UST: variants seen among roughly 807,000 people sequenced by gnomAD.
UST encodes the protein chondroitin sulfate 2-O-sulfotransferase.
Under a neutral mutation model 45.6 loss-of-function variants are expected in UST, and 21 were observed. That is an observed-to-expected ratio of 0.46 (90% CI 0.33 to 0.66). The LOEUF is 0.66. Ranked by LOEUF, UST falls within the 30% of genes least tolerant of loss-of-function variation. The pLI, the probability that UST is intolerant of heterozygous loss-of-function variation, is 0.02. For missense variants in UST, 463 were observed against 512.4 expected (o/e 0.90, Z 0.93); for synonymous variants, 215 against 200.6 (o/e 1.07, Z -0.61).
chr6:148,809,141 C>T (rs779444229), intron 1 of UST, among the ~76,000 whole-genome samples: 11 of 152,220 alleles, frequency 7.2e-5, no homozygotes, highest in Non-Finnish European at 1.6e-4. Context: ...CTCAGCAGGG[C>T]CTGTGCCCTG....
intron 2 of UST, among the ~76,000 whole-genome samples, chr6:148,900,948 C>T (rs1291302000): frequency 6.6e-6 from 1 of 152,214 alleles, no homozygotes; most frequent in South Asian, 2.1e-4. Flanking sequence ...TTGTTGCATC[C>T]TCAGATCTCA....
At chr6:148,759,577 G>A (rs1160213975) in intron 1 of UST, among the ~76,000 whole-genome samples, 1 of 147,810 alleles carries the variant, frequency 6.8e-6, no homozygotes, top group Non-Finnish European at 1.5e-5. Context: ...CGGCGTACGC[G>A]GTGGTTCACG....
intron 5 of UST, among the ~76,000 whole-genome samples, chr6:149,013,131 C>T (rs1268562476): frequency 6.6e-6 from 1 of 152,114 alleles, no homozygotes; most frequent in South Asian, 2.1e-4. Context: ...CTCTCTCTGC[C>T]GTTCATGAAA....
chr6:148,863,918 G>A (rs1338313630), intron 1 of UST, among the ~76,000 whole-genome samples: 1 of 152,202 alleles, frequency 6.6e-6, no homozygotes, highest in Non-Finnish European at 1.5e-5. Flanking sequence ...GCCTCTACTG[G>A]GAGGTGTCTC....
At chr6:148,871,867 A>G (rs1778565398) in intron 1 of UST, among the ~76,000 whole-genome samples, 1 of 152,218 alleles carries the variant, frequency 6.6e-6, no homozygotes, top group Admixed American at 6.5e-5. Context: ...GGCAGGTAGT[A>G]AGGTTGTCAT....
At chr6:148,794,849 A>G (rs1420758524) in intron 1 of UST, among the ~76,000 whole-genome samples, 1 of 152,212 alleles carries the variant, frequency 6.6e-6, no homozygotes, top group African/African-American at 2.4e-5. Flanking sequence ...TTCTGTTTCT[A>G]CCACACTGCT....
rs769511319 is a variant in UST at position 148,747,392 on chromosome 6, C to T, written c.-39C>T. The T allele has an allele frequency of 5.8e-6, 8 of 1,371,630 alleles. No individual in the cohort carries two copies. Among genetic ancestry groups the T allele is most frequent in the Non-Finnish European group, 6.6e-6 (7 of 1,057,024 alleles). 85.0% of individuals were successfully genotyped at this position (1,371,630 alleles called of 1,614,324 possible). ...CCTCGCGGCGGATGGGTGACCTTTT[C>T]CTGGCACGGGCAGGCTGTGGGAGGC... is the stretch of plus-strand genomic sequence containing the variant. On this transcript the variant is annotated 5_prime_UTR_variant, in exon 1 of 8. Transcript: ENST00000367463.
At chr6:149,007,749 G>T (rs577814324) in intron 5 of UST, among the ~76,000 whole-genome samples, 35 of 150,694 alleles carry the variant, frequency 2.3e-4, no homozygotes, top group African/African-American at 3.6e-4. Flanking sequence ...AAGACAGGGG[G>T]TTTTTTTTTG....
chr6:148,901,367 C>A (rs898379373), intron 2 of UST, among the ~76,000 whole-genome samples: 3 of 152,122 alleles, frequency 2.0e-5, no homozygotes, highest in Admixed American at 1.3e-4. Flanking sequence ...TGGCTTTGCA[C>A]ATTCGAGTTT....
At position 149,005,639 on chromosome 6, in the gene UST, C is replaced by T. The variant is rs1031152103; in HGVS notation, c.682-13500C>T. 49 of 980,930 alleles carry T rather than the reference C, an allele frequency of 5.0e-5. 1 individual carries two copies. The highest frequency in any genetic ancestry group is 5.1e-5 in the Non-Finnish European group (42 of 825,866). 60.8% of individuals were successfully genotyped at this position (980,930 alleles called of 1,614,324 possible). On this transcript the variant is annotated intron_variant, in intron 5 of 7. Transcript: ENST00000367463. ...CCTCCCTCTCTCCACCACCATTAGA[C>T]CTCATTTCTTAAAGGACTGATTTCC...
intron 1 of UST, among the ~76,000 whole-genome samples, chr6:148,860,966 TTG>T (rs888810454): frequency 4.9e-4 from 74 of 152,328 alleles, no homozygotes; most frequent in Non-Finnish European, 7.9e-4. Context: ...TCTGTTTTTG[TTG>T]TGTCTCTGCC....
chr6:148,816,033 A>G (rs553188120), intron 1 of UST, among the ~76,000 whole-genome samples: 35 of 152,212 alleles, frequency 2.3e-4, no homozygotes, highest in Non-Finnish European at 4.4e-4. Context: ...TTTAAGGGAG[A>G]TTGGCTGTGA....
At chr6:148,898,006 TA>T (rs924206590) in intron 2 of UST, among the ~76,000 whole-genome samples, 3,231 of 148,450 alleles carry the variant, frequency 0.022, 107 homozygotes, top group African/African-American at 0.07. Flanking sequence ...AAAAGTCCTT[TA>T]AAAAAAAAAA....
intron 1 of UST, among the ~76,000 whole-genome samples, chr6:148,779,152 C>T (rs1261474621): frequency 1.3e-5 from 2 of 151,726 alleles, no homozygotes; most frequent in African/African-American, 4.9e-5. Context: ...TACCTCAAGC[C>T]TCCTGGAAAA....
At position 148,953,859 on chromosome 6, in the gene UST, CT is replaced by C. The variant is rs777308064; in HGVS notation, c.448-6del. On this transcript the variant is annotated splice_polypyrimidine_tract_variant and intron_variant, in intron 3 of 7. Transcript: ENST00000367463. ...TAGATCCTATATATGCTAATTTTTACTTTTTTTAATAGATGGAACTGATTAA... is the reference window on the plus strand; with the variant it reads ...TAGATCCTATATATGCTAATTTTTACTTTTTTAATAGATGGAACTGATTAA... 6.0e-6 allele frequency: 9 copies of C among 1,495,392 alleles called. No individual in the cohort carries two copies. Among genetic ancestry groups the C allele is most frequent in the South Asian group, 3.7e-5 (3 of 81,714 alleles). 92.6% of individuals were successfully genotyped at this position (1,495,392 alleles called of 1,614,324 possible).
intron 1 of UST, among the ~76,000 whole-genome samples, chr6:148,819,252 G>A (rs1777411504): frequency 6.6e-6 from 1 of 151,922 alleles, no homozygotes; most frequent in South Asian, 2.1e-4. Flanking sequence ...AAGCAAGTAT[G>A]GTTTAAATGT....
chr6:148,972,296 G>A (rs1780932094), intron 5 of UST, among the ~76,000 whole-genome samples: 1 of 152,162 alleles, frequency 6.6e-6, no homozygotes, highest in African/African-American at 2.4e-5. Context: ...AGGAGAGGTG[G>A]GTGCTGTCTT....
chr6:148,995,639 C>T lies in UST; in HGVS notation c.682-23500C>T, dbSNP rs570930961. Among the ~76,000 whole-genome samples the T allele has an allele frequency of 7.2e-5, 11 of 152,218 alleles. No homozygotes were observed. The Middle Eastern group carries it at 0.014, about 188-fold the overall frequency. On this transcript the variant is annotated intron_variant, in intron 5 of 7. Transcript: ENST00000367463. ...TACCTGTGGGTCACATGTGACTTGC[C>T]GACGTGTTTTGTTTCATATATGGGT...
At chr6:148,815,501 C>T (rs1442128068) in intron 1 of UST, among the ~76,000 whole-genome samples, 1 of 152,062 alleles carries the variant, frequency 6.6e-6, no homozygotes, top group Non-Finnish European at 1.5e-5. Context: ...TTTTTTTAAC[C>T]ATACGGTCCC....
Sources: allele counts gnomAD v4.1 joint callset (sites outside exome capture counted in the v4.1 genomes callset), GRCh38; gene constraint gnomAD v4.1.1; transcripts MANE v1.5; gene names NCBI Gene and HGNC (gene_info 2026-07-23, HGNC 2026-07-21).